The following UGT1A10 variants were observed in gnomAD, a reference collection of about 807,000 sequenced individuals.
UGT1A10 encodes the protein UDP glucuronosyltransferase family 1 member A10, also known as UDP-glucuronosyltransferase 1A10.
UGT1A10 carries 49 observed loss-of-function variants against 45.8 expected under a neutral mutation model. The ratio of observed to expected loss-of-function variants is 1.07; its 90% CI spans 0.85 to 1.36. The LOEUF (loss-of-function observed/expected upper bound fraction) is 1.36, where lower values mean the gene tolerates loss of function less well. Ranked by LOEUF, UGT1A10 falls within the 40% of genes most tolerant of loss-of-function variation. The pLI is 0.00. For synonymous variants in UGT1A10, 284 were observed against 249.7 expected (o/e 1.14, Z -1.29); for missense variants, 745 against 668.6 (o/e 1.11, Z -1.26).
At chr2:233,664,799 A>G (rs1466048463) in intron 1 of UGT1A10, among the ~76,000 whole-genome samples, 1 of 152,182 alleles carries the variant, frequency 6.6e-6, no homozygotes, top group Non-Finnish European at 1.5e-5. Context: ...CCAAGCTATA[A>G]CACTGAACTG....
intron 1 of UGT1A10, among the ~76,000 whole-genome samples, chr2:233,727,601 G>A (rs565458443): frequency 3.4e-4 from 52 of 152,170 alleles, no homozygotes; most frequent in Non-Finnish European, 4.4e-4. Flanking sequence ...GGGGGTTGGA[G>A]GAATAGTTCA....
Position 233,679,630 on chromosome 2 carries a change from G to C in UGT1A10, c.855+42253G>C, listed in dbSNP as rs539070973. 7.0e-4 allele frequency among the ~76,000 whole-genome samples: 107 copies of C among 151,992 alleles called. 1 individual carries two copies. The highest frequency in any genetic ancestry group is 2.3e-3 in the African/African-American group (96 of 41,474). ...AACCCTGTTCAGGCAGATATCCTTT[G>C]TCCTCAATGCTTTTCTTCATGGCAT... On this transcript the variant is annotated intron_variant, in intron 1 of 4. Coordinates refer to ENST00000344644, the MANE Select transcript of UGT1A10 (RefSeq NM_019075.4).
chr2:233,670,101 T>C (rs1215329828), intron 1 of UGT1A10, among the ~76,000 whole-genome samples: 32 of 152,240 alleles, frequency 2.1e-4, no homozygotes, highest in Admixed American at 2.1e-3. Context: ...ATATGTGTTA[T>C]ATACTGTATT....
At chr2:233,742,331 G>A (rs1268078196) in intron 1 of UGT1A10, among the ~76,000 whole-genome samples, 3 of 151,974 alleles carry the variant, frequency 2.0e-5, no homozygotes, top group South Asian at 4.1e-4. Context: ...GAAACAAAGG[G>A]ATGGGCTCTG....
chr2:233,672,015 G>C, intron 1 of UGT1A10: 1 of 1,614,164 alleles, frequency 6.2e-7, no homozygotes, highest in East Asian at 2.2e-5. Context: ...AGGCAGGGAA[G>C]CTACTGGTAG....
Position 233,688,853 on chromosome 2 carries a change from C to A in UGT1A10, c.855+51476C>A, listed in dbSNP as rs140817326. Among the ~76,000 whole-genome samples the A allele has an allele frequency of 5.9e-3, 898 of 152,136 alleles. 8 individuals carry two copies. The highest frequency in any genetic ancestry group is 9.7e-3 in the Non-Finnish European group (660 of 67,998). ...AGAAAAGGATGTAAAGAGAGCTGAT[C>A]ATAGGGGGCCTTGCAGGATAAGGAG... On this transcript the variant is annotated intron_variant, in intron 1 of 4. Transcript: ENST00000344644.
chr2:233,732,449 C>T (rs1329295368), intron 1 of UGT1A10, among the ~76,000 whole-genome samples: 2 of 152,220 alleles, frequency 1.3e-5, no homozygotes, highest in Admixed American at 1.3e-4. Flanking sequence ...TTAGGTCTAA[C>T]ATTTGAGTCT....
intron 1 of UGT1A10, among the ~76,000 whole-genome samples, chr2:233,705,256 ATGGGGTCACT>A (rs1239018382): frequency 6.6e-6 from 1 of 152,108 alleles, no homozygotes; most frequent in Admixed American, 6.6e-5. Flanking sequence ...AGATTATTCT[ATGGGGTCACT>A]TGCTTTCAAC....
At position 233,772,364 on chromosome 2, in the gene UGT1A10, G is replaced by A. The variant is rs2126066742; in HGVS notation, c.1398G>A (p.Lys466=). The A allele has an allele frequency of 6.2e-7, 1 of 1,614,266 alleles. No homozygotes were observed. Among genetic ancestry groups the A allele is most frequent in the Non-Finnish European group, 8.5e-7 (1 of 1,180,054 alleles). ...VFWVEFVMRH[K]GAPHLRPAAH... is the part of the protein sequence containing the mutation. ...GGGTGGAGTTTGTGATGAGGCACAAGGGCGCGCCACACCTGCGCCCCGCAG... is the reference window on the plus strand; with the variant it reads ...GGGTGGAGTTTGTGATGAGGCACAAAGGCGCGCCACACCTGCGCCCCGCAG... The change falls in exon 5 of 5, where the codon AAG becomes AAA. Residue 466 remains lysine, a synonymous_variant. Transcript: ENST00000344644.
intron 1 of UGT1A10, among the ~76,000 whole-genome samples, chr2:233,687,334 T>C (rs1410499598): frequency 6.6e-6 from 1 of 152,168 alleles, no homozygotes; most frequent in East Asian, 1.9e-4. Context: ...TTCCCTTGAA[T>C]GATTTAAACT....
At chr2:233,640,584 T>C (rs1202128516) in intron 1 of UGT1A10, among the ~76,000 whole-genome samples, 1 of 152,160 alleles carries the variant, frequency 6.6e-6, no homozygotes, top group Non-Finnish European at 1.5e-5. Flanking sequence ...CCTTGGTCAA[T>C]TGAGTAAGTT....
chr2:233,740,631 C>T (rs1198172888), intron 1 of UGT1A10: 3 of 151,760 alleles, frequency 2.0e-5, no homozygotes, highest in Admixed American at 2.0e-4. Flanking sequence ...CAGGGTCATG[C>T]CTTTCCTTGC....
At position 233,767,942 on chromosome 2, in the gene UGT1A10, T is replaced by A; in HGVS notation, c.1075+6T>A. On this transcript the variant is annotated splice_donor_region_variant and intron_variant, in intron 3 of 4. Transcript: ENST00000344644. ...ACCCCAAAACGATCTGCTTGGTATG[T>A]TGGGCGGATTGGATGTATAGGTCAA... is the stretch of plus-strand genomic sequence containing the variant. 1 of 1,614,210 alleles carries A rather than the reference T, an allele frequency of 6.2e-7. No individual in the cohort carries two copies. The highest frequency in any genetic ancestry group is 1.3e-5 in the African/African-American group (1 of 75,040).
intron 3 of UGT1A10, 28 bp downstream of exon 3, chr2:233,767,964 T>C: frequency 6.2e-7 from 1 of 1,614,138 alleles, no homozygotes; most frequent in Non-Finnish European, 8.5e-7. Context: ...GATGTATAGG[T>C]CAAACCAGGG....
rs564101757 is a variant in UGT1A10, at chr2:233,734,503, C to G, written c.856-32531C>G. On this transcript the variant is annotated intron_variant, in intron 1 of 4. Transcript: ENST00000344644. ...GATTTTTTTGAAGGTTTTTTTGTGTCTCTATCTCTTTCAGTTCTGCTCTGA... is the reference window on the plus strand; with the variant it reads ...GATTTTTTTGAAGGTTTTTTTGTGTGTCTATCTCTTTCAGTTCTGCTCTGA... Among the ~76,000 whole-genome samples the G allele has an allele frequency of 2.0e-5, 3 of 152,124 alleles. No homozygotes were observed. The South Asian group carries it at 6.2e-4, about 32-fold the overall frequency.
intron 1 of UGT1A10, among the ~76,000 whole-genome samples, chr2:233,662,399 A>G (rs2073991797): frequency 6.6e-6 from 1 of 152,184 alleles, no homozygotes; most frequent in Non-Finnish European, 1.5e-5. Flanking sequence ...TTATTGCAAC[A>G]AATCTGCCCA....
intron 4 of UGT1A10, 140 bp from the exon 5 acceptor site, chr2:233,772,122 C>T (rs749512514): frequency 2.9e-5 from 45 of 1,536,534 alleles, no homozygotes; most frequent in Non-Finnish European, 3.9e-5. Flanking sequence ...CTAAAAACAA[C>T]AACAACAACA....
At chr2:233,698,950 A>G (rs1271213424) in intron 1 of UGT1A10, among the ~76,000 whole-genome samples, 2 of 152,224 alleles carry the variant, frequency 1.3e-5, no homozygotes, top group Non-Finnish European at 2.9e-5. Context: ...TTTCTGTCCA[A>G]GCTGGCCCTT....
chr2:233,744,569 T>A (rs1692854365), intron 1 of UGT1A10, among the ~76,000 whole-genome samples: 2 of 151,878 alleles, frequency 1.3e-5, no homozygotes, highest in Non-Finnish European at 2.9e-5. Context: ...GTGAGAAGAG[T>A]GGCATCGTTT....
Sources: allele counts gnomAD v4.1 joint callset (sites outside exome capture counted in the v4.1 genomes callset), GRCh38; gene constraint gnomAD v4.1.1; transcripts MANE v1.5; gene names NCBI Gene and HGNC (gene_info 2026-07-23, HGNC 2026-07-21).